The following B3GALT1 variants were observed in gnomAD, a reference collection of about 807,000 sequenced individuals.
B3GALT1 encodes the protein beta-1,3-galactosyltransferase 1.
Under a neutral mutation model 23.2 loss-of-function variants are expected in B3GALT1, and 10 were observed. The ratio of observed to expected loss-of-function variants is 0.43; its 90% CI spans 0.27 to 0.73. The LOEUF (loss-of-function observed/expected upper bound fraction) is 0.73, where lower values mean the gene tolerates loss of function less well. B3GALT1 is among the 30% of genes least tolerant of loss of function. The pLI is 0.21. For missense variants in B3GALT1, 299 were observed against 405.4 expected (o/e 0.74, Z 2.25); for synonymous variants, 156 against 141.5 (o/e 1.10, Z -0.73).
rs1389609129 is a variant in B3GALT1 at position 167,314,396 on chromosome 2, G to C, written c.-511+21062G>C. Among the ~76,000 whole-genome samples the C allele has an allele frequency of 7.9e-5, 12 of 152,178 alleles. No individual in the cohort carries two copies. In the East Asian group the frequency reaches 1.5e-3, roughly 20 times the overall value. On this transcript the variant is annotated intron_variant, in intron 1 of 4. Coordinates refer to ENST00000392690, the MANE Select transcript of B3GALT1 (RefSeq NM_020981.4). The stretch of plus-strand genomic sequence containing the variant: ...CTTGTATAACATTATAAGCTAATTG[G>C]TGTGTTCCAGTGTTTTCTTTAACAA...
At chr2:167,808,485 A>G (rs1201669059) in intron 3 of B3GALT1, among the ~76,000 whole-genome samples, 2 of 151,714 alleles carry the variant, frequency 1.3e-5, no homozygotes, top group African/African-American at 2.4e-5. Context: ...CCTGGTGGTG[A>G]CAAAATCTCT....
At chr2:167,523,787 C>T (rs1431908) in intron 2 of B3GALT1, among the ~76,000 whole-genome samples, 61,208 of 151,842 alleles carry the variant, frequency 0.4, 13,996 homozygotes, top group East Asian at 0.98. Flanking sequence ...AGTATATACA[C>T]GATGTCCTGT....
chr2:167,404,658 ACAGT>A (rs1465890305), intron 1 of B3GALT1, among the ~76,000 whole-genome samples: 16 of 152,186 alleles, frequency 1.1e-4, no homozygotes, highest in Admixed American at 9.2e-4. Flanking sequence ...GTAAGATGGC[ACAGT>A]CATTCTTCAT....
chr2:167,498,989 T>C (rs1037519285), intron 2 of B3GALT1, among the ~76,000 whole-genome samples: 3 of 152,208 alleles, frequency 2.0e-5, no homozygotes, highest in Non-Finnish European at 2.9e-5. Context: ...GCTTGGTCTG[T>C]ATGTAAGACC....
intron 4 of B3GALT1, among the ~76,000 whole-genome samples, chr2:167,842,289 A>T (rs1689666727): frequency 6.6e-6 from 1 of 152,226 alleles, no homozygotes; most frequent in Non-Finnish European, 1.5e-5. Flanking sequence ...CTGGCCAAGT[A>T]AAACTCCACT....
intron 4 of B3GALT1, among the ~76,000 whole-genome samples, chr2:167,853,367 T>A (rs537941053): frequency 3.0e-4 from 46 of 152,298 alleles, no homozygotes; most frequent in Middle Eastern, 6.8e-3. Context: ...TCTATTTTTT[T>A]AATTTGAGAA....
intron 1 of B3GALT1, among the ~76,000 whole-genome samples, chr2:167,486,769 C>T (rs978670553): frequency 1.3e-5 from 2 of 151,606 alleles, no homozygotes; most frequent in Admixed American, 6.6e-5. Flanking sequence ...GAAAGAATGA[C>T]GAGGAAATAC....
At chr2:167,548,895 A>T (rs1683697970) in intron 2 of B3GALT1, among the ~76,000 whole-genome samples, 1 of 152,086 alleles carries the variant, frequency 6.6e-6, no homozygotes, top group Non-Finnish European at 1.5e-5. Context: ...CTAATATTTA[A>T]TCTCTTCTGT....
At chr2:167,416,854 A>G (rs1203388799) in intron 1 of B3GALT1, among the ~76,000 whole-genome samples, 2 of 152,192 alleles carry the variant, frequency 1.3e-5, no homozygotes, top group African/African-American at 4.8e-5. Context: ...TCTGGGTTTC[A>G]GATTAGCTTG....
intron 1 of B3GALT1, among the ~76,000 whole-genome samples, chr2:167,422,340 G>T (rs368866998): frequency 6.6e-6 from 1 of 152,026 alleles, no homozygotes; most frequent in Non-Finnish European, 1.5e-5. Context: ...GAATCTACTG[G>T]TACCTTGATC....
chr2:167,764,326 G>A (rs895145813), intron 3 of B3GALT1, among the ~76,000 whole-genome samples: 3 of 152,008 alleles, frequency 2.0e-5, no homozygotes, highest in African/African-American at 7.3e-5. Flanking sequence ...TTTCAATTAT[G>A]TGACATAGTC....
Position 167,668,275 on chromosome 2 carries a change from TCAGGGACC to T in B3GALT1, c.-352+21312_-352+21319del, listed in dbSNP as rs559084940. ...AGTTAGGCTTCTCGGAGGTCAGGGG[TCAGGGACC>T]CACTTGAGGAGGCAGTTTGCCCGTT... On this transcript the variant is annotated intron_variant, in intron 3 of 4. Coordinates refer to ENST00000392690, the MANE Select transcript of B3GALT1 (RefSeq NM_020981.4). Among the ~76,000 whole-genome samples the T allele has an allele frequency of 9.9e-5, 15 of 151,912 alleles. No homozygotes were observed. In the East Asian group the frequency reaches 2.9e-3, roughly 29 times the overall value.
intron 2 of B3GALT1, among the ~76,000 whole-genome samples, chr2:167,534,709 A>C (rs1252680216): frequency 6.6e-6 from 1 of 152,212 alleles, no homozygotes; most frequent in Non-Finnish European, 1.5e-5. Context: ...CATGAAGAGA[A>C]AGTATATAGA....
chr2:167,447,357 C>T (rs1447429101), intron 1 of B3GALT1, among the ~76,000 whole-genome samples: 6 of 152,168 alleles, frequency 3.9e-5, no homozygotes, highest in South Asian at 2.1e-4. Context: ...TCTCAAACTC[C>T]GTGCTTGGAG....
intron 4 of B3GALT1, among the ~76,000 whole-genome samples, chr2:167,855,704 A>G (rs1343904827): frequency 6.6e-6 from 1 of 152,096 alleles, no homozygotes; most frequent in Non-Finnish European, 1.5e-5. Flanking sequence ...GATATTTTGT[A>G]TGGTTTCATG....
intron 3 of B3GALT1, among the ~76,000 whole-genome samples, chr2:167,770,239 T>C (rs757107556): frequency 6.6e-6 from 1 of 152,224 alleles, no homozygotes; most frequent in African/African-American, 2.4e-5. Flanking sequence ...CCCAAGTAGC[T>C]AGGACTGCAG....
intron 1 of B3GALT1, among the ~76,000 whole-genome samples, chr2:167,373,437 A>T (rs1226230664): frequency 1.3e-5 from 2 of 152,038 alleles, no homozygotes; most frequent in Non-Finnish European, 2.9e-5. Context: ...CCACAAACTG[A>T]GAGTATTCTA....
chr2:167,714,168 G>A, intron 3 of B3GALT1: 1 of 1,518,718 alleles, frequency 6.6e-7, no homozygotes, highest in East Asian at 2.3e-5. Flanking sequence ...GGTCCAGACA[G>A]TCTATCAGAA....
At chr2:167,650,410 G>A (rs1685841130) in intron 3 of B3GALT1, among the ~76,000 whole-genome samples, 1 of 151,120 alleles carries the variant, frequency 6.6e-6, no homozygotes, top group Admixed American at 6.6e-5. Context: ...CCTTTGGTAA[G>A]CCGCTGGATT....
Sources: allele counts gnomAD v4.1 joint callset (sites outside exome capture counted in the v4.1 genomes callset), GRCh38; gene constraint gnomAD v4.1.1; transcripts MANE v1.5; gene names NCBI Gene and HGNC (gene_info 2026-07-23, HGNC 2026-07-21).